The following CCDC175 variants were observed in gnomAD, a reference collection of about 807,000 sequenced individuals.
The protein encoded by CCDC175 is coiled-coil domain containing 175.
Under a neutral mutation model 114.6 loss-of-function variants are expected in CCDC175, and 100 were observed. The ratio of observed to expected loss-of-function variants is 0.87; its 90% CI spans 0.74 to 1.03. The LOEUF is 1.03. Ranked by LOEUF, CCDC175 falls within the 50% of genes least tolerant of loss-of-function variation. CCDC175 has a pLI of 0.00. For synonymous variants in CCDC175, 306 were observed against 308.7 expected (o/e 0.99, Z 0.09); for missense variants, 880 against 917.8 (o/e 0.96, Z 0.53).
At chr14:59,511,617 A>G in intron 18 of CCDC175, 143 bp downstream of exon 18, 2 of 503,594 alleles carry the variant, frequency 4.0e-6, no homozygotes, top group Non-Finnish European at 7.1e-6. Context: ...ACTGCAGGGG[A>G]GTGAGAGAGC....
chr14:59,552,399 C>T (rs934601685), intron 7 of CCDC175, among the ~76,000 whole-genome samples: 3 of 152,242 alleles, frequency 2.0e-5, no homozygotes, highest in African/African-American at 7.2e-5. Context: ...AGACCTGCAG[C>T]TGAGGGTCCT....
At chr14:59,535,948 C>T (rs1894368710) in intron 13 of CCDC175, among the ~76,000 whole-genome samples, 2 of 152,192 alleles carry the variant, frequency 1.3e-5, no homozygotes, top group Non-Finnish European at 1.5e-5. Context: ...GGAGGTGGTA[C>T]AAGGATGCAG....
chr14:59,543,546 A>G (rs1296060718), intron 9 of CCDC175, 92 bp from the exon 10 acceptor site: 1 of 450,978 alleles, frequency 2.2e-6, no homozygotes, highest in Non-Finnish European at 3.8e-6. Context: ...AGTTCAGATC[A>G]TGAGCTATTT....
Position 59,563,765 on chromosome 14 carries a change from A to AT in CCDC175, c.814dup (p.Ile272AsnfsTer13). The AT allele has an allele frequency of 1.4e-6, 2 of 1,438,934 alleles. No individual in the cohort carries two copies. Among genetic ancestry groups the AT allele is most frequent in the Admixed American group, 2.7e-5 (1 of 36,434 alleles). 89.1% of individuals were successfully genotyped at this position (1,438,934 alleles called of 1,614,324 possible). On this transcript the variant is annotated frameshift_variant, in exon 6 of 20. Transcript: ENST00000537690. LOFTEE classifies it high-confidence loss of function. Reference sequence around the variant, plus strand: ...TGCGGAAACAGTAACTGTTTCTTTTATTTTTGACATTTTAGTTTGTAATTT... The same window carrying AT: ...TGCGGAAACAGTAACTGTTTCTTTTATTTTTTGACATTTTAGTTTGTAATTT...
At chr14:59,514,328 T>C (rs1177491610) in intron 17 of CCDC175, among the ~76,000 whole-genome samples, 3 of 152,106 alleles carry the variant, frequency 2.0e-5, no homozygotes, top group African/African-American at 4.8e-5. Context: ...ATGACTTTGA[T>C]GAGTTGAGAG....
At chr14:59,551,108 T>C in intron 8 of CCDC175, 2 of 304,688 alleles carry the variant, frequency 6.6e-6, no homozygotes, top group Non-Finnish European at 1.2e-5. Context: ...TGGATAGTCC[T>C]AAGGTACCCA....
chr14:59,529,145 T>C (rs1288468447), intron 14 of CCDC175, among the ~76,000 whole-genome samples: 1 of 152,182 alleles, frequency 6.6e-6, no homozygotes. Context: ...TGTGGGGCTT[T>C]TCTCTGAATT....
rs1359077824 is a variant in CCDC175, at chr14:59,505,268, A to T, written c.2353T>A (p.Cys785Ser). 1.3e-6 allele frequency: 2 copies of T among 1,509,296 alleles called. No individual in the cohort carries two copies. The highest frequency in any genetic ancestry group is 1.8e-6 in the Non-Finnish European group (2 of 1,127,956). 93.5% of individuals were successfully genotyped at this position (1,509,296 alleles called of 1,614,324 possible). A position where few individuals can be genotyped will look rare whatever the true frequency, so the allele number is the denominator to read the frequency against. The change falls in exon 20 of 20, where the codon TGT becomes AGT. Residue 785 changes from cysteine (C) to serine (S), a missense_variant. Coordinates refer to ENST00000537690, the MANE Select transcript of CCDC175 (RefSeq NM_001164399.2). ...TTTGTTAATGTATTTTTCTCAGTACATTTAACCACTGGGAAATGAACCCTT... is the reference window on the plus strand; with the variant it reads ...TTTGTTAATGTATTTTTCTCAGTACTTTTAACCACTGGGAAATGAACCCTT... ...RTRVHFPVVK[C>S]TEKNTLTK
intron 19 of CCDC175, among the ~76,000 whole-genome samples, chr14:59,508,828 C>A (rs1393649553): frequency 6.6e-6 from 1 of 152,104 alleles, no homozygotes; most frequent in Non-Finnish European, 1.5e-5. Flanking sequence ...GAAGCCAAAC[C>A]TGCCAGTGCC....
At chr14:59,513,125 G>C (rs1892846951) in intron 17 of CCDC175, among the ~76,000 whole-genome samples, 3 of 152,180 alleles carry the variant, frequency 2.0e-5, no homozygotes, top group Admixed American at 2.0e-4. Flanking sequence ...ATGTGTGTAA[G>C]AGAAAACAAT....
At chr14:59,521,522 T>TGC (rs1418639642) in intron 17 of CCDC175, 52 bp downstream of exon 17, 5 of 974,620 alleles carry the variant, frequency 5.1e-6, no homozygotes, top group Non-Finnish European at 6.3e-6. Context: ...ATCCTATTAG[T>TGC]TCTGTCCCGC....
In CCDC175 at chr14:59,563,878, G is replaced by T. The variant is rs567122660; in HGVS notation, c.721-19C>A. 10 of 1,366,368 alleles carry T rather than the reference G, an allele frequency of 7.3e-6. No individual in the cohort carries two copies. In the Admixed American group the frequency reaches 1.5e-4, roughly 20 times the overall value. 84.6% of individuals were successfully genotyped at this position (1,366,368 alleles called of 1,614,324 possible). A position where few individuals can be genotyped will look rare whatever the true frequency, so the allele number is the denominator to read the frequency against. ...CATTAATCTATAGTGACAAGCATAA[G>T]AAACCAATTTAAAAAGCCTATTAGC... On this transcript the variant is annotated intron_variant, in intron 5 of 19. Coordinates refer to ENST00000537690, the MANE Select transcript of CCDC175 (RefSeq NM_001164399.2).
chr14:59,521,500 A>G (rs1448659521), intron 17 of CCDC175, 74 bp downstream of exon 17: 7 of 789,720 alleles, frequency 8.9e-6, no homozygotes, highest in African/African-American at 1.8e-5. Flanking sequence ...GCTCCCTTTC[A>G]TATATACATA....
chr14:59,556,142 C>T (rs1192117041), intron 7 of CCDC175, among the ~76,000 whole-genome samples: 6 of 152,186 alleles, frequency 3.9e-5, no homozygotes, highest in African/African-American at 4.8e-5. Flanking sequence ...AAAAAGAGCC[C>T]GCATCACCAA....
Position 59,510,767 on chromosome 14 carries a change from G to A in CCDC175, c.2184C>T (p.Asn728=), listed in dbSNP as rs1390897367. 1.3e-6 allele frequency: 2 copies of A among 1,537,170 alleles called. No individual in the cohort carries two copies. Among genetic ancestry groups the A allele is most frequent in the South Asian group, 2.4e-5 (2 of 84,050 alleles). The change falls in exon 19 of 20, where the codon AAC becomes AAT. Residue 728 remains asparagine, a synonymous_variant. Transcript: ENST00000537690. ...DNGEETLQDI[N]NLTDKLRERD... ...TTTCACGCAGCTTGTCTGTTAGATT[G>A]TTTATGTCTTGCAAGGTCTCTTCAC...
intron 7 of CCDC175, among the ~76,000 whole-genome samples, chr14:59,559,629 G>A (rs932266720): frequency 6.6e-6 from 1 of 152,000 alleles, no homozygotes; most frequent in Admixed American, 6.6e-5. Context: ...TCCACCAAGC[G>A]GGAACTAGGT....
chr14:59,570,163 GA>G (rs144224443), intron 3 of CCDC175, among the ~76,000 whole-genome samples: 9,114 of 152,198 alleles, frequency 0.06, 345 homozygotes, highest in Non-Finnish European at 0.088. Context: ...ATTGGTGGCT[GA>G]AGCTACTCAA....
chr14:59,533,622 A>T (rs1282040306), intron 13 of CCDC175, among the ~76,000 whole-genome samples: 1 of 152,200 alleles, frequency 6.6e-6, no homozygotes, highest in Non-Finnish European at 1.5e-5. Context: ...AAAATACCAT[A>T]ATTCAAAAAT....
At chr14:59,572,595 C>G in intron 3 of CCDC175, 107 bp downstream of exon 3, 1 of 588,714 alleles carries the variant, frequency 1.7e-6, no homozygotes, top group Non-Finnish European at 2.8e-6. Flanking sequence ...TGTATGCTTT[C>G]TAGCTCTATC....
Sources: allele counts gnomAD v4.1 joint callset (sites outside exome capture counted in the v4.1 genomes callset), GRCh38; gene constraint gnomAD v4.1.1; transcripts MANE v1.5; gene names NCBI Gene and HGNC (gene_info 2026-07-23, HGNC 2026-07-21).